ANO1: variants seen among roughly 807,000 people sequenced by gnomAD.
ANO1 encodes the protein anoctamin 1, also known as anoctamin-1.
A neutral mutation model predicts 124.0 loss-of-function variants in ANO1; 59 were observed. The observed-to-expected ratio is 0.48, with a 90% CI of 0.39 to 0.59. The LOEUF is 0.59. Among genes scored for constraint, ANO1 ranks in the 20% least tolerant of loss-of-function variants. ANO1 has a pLI of 0.00. For missense variants in ANO1, 1,059 were observed against 1,328.0 expected (o/e 0.80, Z 3.15); for synonymous variants, 529 against 532.0 (o/e 0.99, Z 0.08).
At chr11:70,011,712 G>T (rs1478564685) in intron 1 of ANO1, among the ~76,000 whole-genome samples, 1 of 152,192 alleles carries the variant, frequency 6.6e-6, no homozygotes, top group Non-Finnish European at 1.5e-5. Context: ...ATCGATGAAA[G>T]CTTGGAAGTG....
At chr11:70,035,185 G>A (rs782003273) in intron 1 of ANO1, among the ~76,000 whole-genome samples, 18 of 152,186 alleles carry the variant, frequency 1.2e-4, no homozygotes, top group South Asian at 1.0e-3. Context: ...GCTATGACCC[G>A]TGGAGCTGCC....
rs147192735 is a variant in ANO1 at position 70,185,761 on chromosome 11, C to T, written c.2694+66C>T. The T allele has an allele frequency of 7.1e-4, 1,087 of 1,537,946 alleles. 4 individuals are homozygous for T. In the African/African-American group the frequency reaches 0.012, roughly 18 times the overall value. ...GCATTTAGGGACCATCCTGTGCCTACAGTCTGGAAGTCAGGAGCTGCTAAA... is the reference window on the plus strand; with the variant it reads ...GCATTTAGGGACCATCCTGTGCCTATAGTCTGGAAGTCAGGAGCTGCTAAA... On this transcript the variant is annotated intron_variant, in intron 25 of 25. Transcript: ENST00000355303.
chr11:70,119,504 G>A (rs1333358242), intron 8 of ANO1, among the ~76,000 whole-genome samples: 4 of 151,884 alleles, frequency 2.6e-5, no homozygotes, highest in Admixed American at 2.6e-4. Context: ...ATGAATGATG[G>A]ATGATGGGTG....
upstream of ANO1, chr11:70,074,816 C>G (rs1555009798): frequency 6.6e-6 from 1 of 152,278 alleles, no homozygotes; most frequent in Non-Finnish European, 1.5e-5. Context: ...ACTGCACAAG[C>G]CAGCTCCCAC....
the ANO1 span, among the ~76,000 whole-genome samples, chr11:69,968,464 T>A: frequency 1.3e-5 from 2 of 152,222 alleles, no homozygotes; most frequent in African/African-American, 4.8e-5. Context: ...TTTGGTTTGT[T>A]CTCGACGTGT....
chr11:70,006,549 C>T (rs61886389), intron 1 of ANO1, among the ~76,000 whole-genome samples: 72,984 of 150,376 alleles, frequency 0.49, 18,912 homozygotes, highest in East Asian at 0.89. Context: ...TTTCTTTCTT[C>T]CTTTCTTTCT....
At chr11:70,095,422 GAAAGAAAAGA>G (rs201783692) in intron 2 of ANO1, among the ~76,000 whole-genome samples, 1 of 49,704 alleles carries the variant, frequency 2.0e-5, no homozygotes, top group Non-Finnish European at 5.1e-5. Context: ...AAGAAAGAAA[GAAAGAAAAGA>G]AAAGAAAGAA....
chr11:70,067,850 CAA>C (rs1857770659), intron 1 of ANO1, among the ~76,000 whole-genome samples: 1 of 152,228 alleles, frequency 6.6e-6, no homozygotes, highest in Non-Finnish European at 1.5e-5. Flanking sequence ...ACTCCCTGTG[CAA>C]AGTCTTCCGG....
At chr11:70,131,880 C>G (rs1450445668) in intron 10 of ANO1, 39 bp from the exon 11 acceptor site, 1 of 1,580,420 alleles carries the variant, frequency 6.3e-7, no homozygotes, top group Admixed American at 1.7e-5. Context: ...TCCATCATGG[C>G]CCAACAAGGT....
chr11:70,114,241 G>T (rs2045894549), intron 7 of ANO1, among the ~76,000 whole-genome samples: 1 of 152,264 alleles, frequency 6.6e-6, no homozygotes, highest in African/African-American at 2.4e-5. Flanking sequence ...CAGCCCAGAA[G>T]GAGTGGAGCT....
chr11:69,978,627 A>C, the ANO1 span, among the ~76,000 whole-genome samples: 1 of 152,160 alleles, frequency 6.6e-6, no homozygotes, highest in East Asian at 1.9e-4. Flanking sequence ...CTGGGATTAC[A>C]CGTGTAAGCT....
chr11:70,126,718 G>A (rs2046528092), intron 10 of ANO1, among the ~76,000 whole-genome samples: 1 of 151,824 alleles, frequency 6.6e-6, no homozygotes, highest in Admixed American at 6.6e-5. Flanking sequence ...AGAGGCCTCG[G>A]TGCAGGCTGG....
intron 1 of ANO1, among the ~76,000 whole-genome samples, chr11:70,050,834 C>G (rs1328624021): frequency 1.3e-5 from 2 of 152,136 alleles, no homozygotes; most frequent in Non-Finnish European, 2.9e-5. Flanking sequence ...CCTCAATTTC[C>G]TCATCTGTCA....
intron 22 of ANO1, among the ~76,000 whole-genome samples, chr11:70,172,145 A>AAGAAC (rs1406480217): frequency 1.3e-5 from 2 of 151,898 alleles, no homozygotes; most frequent in East Asian, 1.9e-4. Context: ...AAGAAAAGAA[A>AAGAAC]AGAAAAGAAA....
At chr11:69,994,968 G>T (rs1162497600) in intron 1 of ANO1, among the ~76,000 whole-genome samples, 1 of 152,056 alleles carries the variant, frequency 6.6e-6, no homozygotes, top group Non-Finnish European at 1.5e-5. Flanking sequence ...AACAGTTTTA[G>T]CTCTACAGAA....
intron 6 of ANO1, among the ~76,000 whole-genome samples, chr11:70,109,336 G>A (rs1192199684): frequency 2.6e-5 from 4 of 152,182 alleles, no homozygotes; most frequent in East Asian, 1.9e-4. Flanking sequence ...GGTCAGGCCC[G>A]GGAGACAGAG....
exon 1 of ANO1, chr11:69,985,980 A>G (rs1856031936): frequency 1.3e-5 from 2 of 152,064 alleles, no homozygotes; most frequent in South Asian, 4.1e-4. Flanking sequence ...GAGAGGGGAC[A>G]GTCCCCTCCC....
At chr11:70,094,134 G>A (rs1369143605) in intron 2 of ANO1, among the ~76,000 whole-genome samples, 1 of 152,200 alleles carries the variant, frequency 6.6e-6, no homozygotes, top group Non-Finnish European at 1.5e-5. Flanking sequence ...CTGGGGCAGA[G>A]CCCACTCCTC....
chr11:70,149,721 A>G lies in ANO1; in HGVS notation c.1270A>G (p.Met424Val), dbSNP rs753563165. Reference sequence around the variant, plus strand: ...GCCCCTGCCCGCAGCTGCCACCTTCATGGAGCACTGGAAGCGGAAACAGAT... The same window carrying G: ...GCCCCTGCCCGCAGCTGCCACCTTCGTGGAGCACTGGAAGCGGAAACAGAT... ...VFMALWAATF[M>V]EHWKRKQMRL... is the part of the protein sequence containing the mutation. Residue 424 changes from methionine to valine, a missense_variant, in exon 12 of 26, where the codon ATG becomes GTG. Met to Val is a conservative substitution (Grantham distance 21). This residue lies in a region of ANO1 where 809 missense variants were observed against 1,094.9 expected (regional missense o/e 0.74). Coordinates refer to ENST00000355303, the MANE Select transcript of ANO1 (RefSeq NM_018043.7). The G allele has an allele frequency of 1.2e-6, 2 of 1,613,314 alleles. No homozygotes were observed. The highest frequency in any genetic ancestry group is 2.2e-5 in the South Asian group (2 of 91,002).
Sources: allele counts gnomAD v4.1 joint callset (sites outside exome capture counted in the v4.1 genomes callset), GRCh38; gene constraint gnomAD v4.1.1; regional missense constraint gnomAD v4.1.1; transcripts MANE v1.5; gene names NCBI Gene and HGNC (gene_info 2026-07-23, HGNC 2026-07-21).